The following SARNP variants were observed in gnomAD, a reference collection of about 807,000 sequenced individuals.
SARNP encodes the protein SAP domain-containing ribonucleoprotein.
In SARNP, 5 loss-of-function variants were observed where a neutral mutation model predicts 38.1. The observed-to-expected ratio is 0.13, with a 90% CI of 0.07 to 0.28. The LOEUF is 0.28. SARNP is among the 10% of genes least tolerant of loss of function. The probability of loss-of-function intolerance (pLI) is 1.00; values close to 1 mark genes in which losing one functional copy is unlikely to be tolerated. For synonymous variants in SARNP, 84 were observed against 80.6 expected (o/e 1.04, Z -0.23); for missense variants, 180 against 243.9 (o/e 0.74, Z 1.75).
intron 7 of SARNP, chr12:55,793,801 T>C (rs1252916578): frequency 6.6e-6 from 1 of 152,552 alleles, no homozygotes; most frequent in Non-Finnish European, 1.5e-5. Context: ...CTGATAAATA[T>C]CTTTCAATAT....
At chr12:55,756,911 A>G (rs1406070262), downstream of SARNP, 1 of 152,182 alleles carries the variant, frequency 6.6e-6, no homozygotes, top group Admixed American at 6.5e-5. Context: ...TATCCAAGAA[A>G]AAGTCTGCAT....
At chr12:55,755,208 C>T (rs1878468337), downstream of SARNP, 1 of 151,914 alleles carries the variant, frequency 6.6e-6, no homozygotes. Flanking sequence ...TCAGACACAG[C>T]AAGAGAACTC....
chr12:55,801,480 T>C (rs1879978138), intron 2 of SARNP, among the ~76,000 whole-genome samples: 2 of 152,100 alleles, frequency 1.3e-5, no homozygotes, highest in Admixed American at 1.3e-4. Context: ...AAAGTATCTT[T>C]GAGATTTAGT....
chr12:55,767,056 A>G (rs190469224), intron 9 of SARNP, among the ~76,000 whole-genome samples: 3 of 152,342 alleles, frequency 2.0e-5, no homozygotes, highest in Admixed American at 6.5e-5. Flanking sequence ...GAAAGAGAAA[A>G]GACAGACATT....
chr12:55,800,744 T>C, intron 3 of SARNP, 110 bp downstream of exon 3: 1 of 1,270,342 alleles, frequency 7.9e-7, no homozygotes, highest in Non-Finnish European at 1.2e-6. Context: ...ATACCCATCT[T>C]ATGCTCCCCT....
intron 9 of SARNP, among the ~76,000 whole-genome samples, chr12:55,785,756 A>G (rs1879472607): frequency 1.3e-5 from 2 of 151,342 alleles, no homozygotes; most frequent in Non-Finnish European, 2.9e-5. Context: ...AGCCTGGGTG[A>G]CAGAACAAAA....
chr12:55,813,950 G>A (rs1006527446), intron 1 of SARNP, among the ~76,000 whole-genome samples: 1 of 152,134 alleles, frequency 6.6e-6, no homozygotes, highest in Admixed American at 6.6e-5. Flanking sequence ...GATAATACAG[G>A]TATTTACCTT....
Position 55,789,086 on chromosome 12 carries a change from T to C in SARNP, c.490A>G (p.Ile164Val), listed in dbSNP as rs138765992. 60 of 1,604,984 alleles carry C rather than the reference T, an allele frequency of 3.7e-5. No individual in the cohort carries two copies. The highest frequency in any genetic ancestry group is 5.4e-5 in the African/African-American group (4 of 74,656). The change falls in exon 9 of 11, where the codon ATC (isoleucine) becomes GTC (valine). Residue 164 changes from isoleucine (I) to valine (V), a missense_variant. Ile to Val is a conservative substitution (Grantham distance 29). Around this residue, in one of 2 missense-constraint regions of SARNP, gnomAD observed 161 missense variants for 194.1 expected, o/e 0.83. Transcript: ENST00000336133. ...CGAGCCTACATTACCTTTCTGGAGA[T>C]TGAAGAGACATTCAAACCAAATCTT... Reference protein sequence around the residue: ...AQRFGLNVSSISRKSEDDEKL... With the variant: ...AQRFGLNVSSVSRKSEDDEKL...
intron 4 of SARNP, among the ~76,000 whole-genome samples, chr12:55,796,357 C>G (rs908561171): frequency 1.3e-5 from 2 of 152,176 alleles, no homozygotes; most frequent in Non-Finnish European, 2.9e-5. Flanking sequence ...GGGAAACACT[C>G]AAAGGACACC....
intron 9 of SARNP, among the ~76,000 whole-genome samples, chr12:55,786,299 G>T (rs151123986): frequency 9.9e-5 from 15 of 152,196 alleles, no homozygotes; most frequent in Admixed American, 6.5e-5. Flanking sequence ...CAATTCCTTA[G>T]AAGATGGAGT....
chr12:55,800,929 G>C, intron 2 of SARNP, 29 bp from the exon 3 acceptor site: 1 of 1,583,872 alleles, frequency 6.3e-7, no homozygotes, highest in Non-Finnish European at 8.7e-7. Flanking sequence ...TTCAGGTCAA[G>C]CCCTGCTACA....
At chr12:55,774,575 C>CAAAAAAAA (rs1187594580) in intron 9 of SARNP, among the ~76,000 whole-genome samples, 2 of 41,204 alleles carry the variant, frequency 4.9e-5, no homozygotes, top group African/African-American at 2.5e-4. Flanking sequence ...AAAAAAAAAA[C>CAAAAAAAA]AAACAAAAAA....
chr12:55,802,191 G>C (rs183947377), intron 2 of SARNP, among the ~76,000 whole-genome samples: 3 of 152,146 alleles, frequency 2.0e-5, no homozygotes, highest in East Asian at 3.9e-4. Context: ...CAGATCTACA[G>C]AGCAATTCTG....
At chr12:55,801,248 T>C (rs1032260470) in intron 2 of SARNP, among the ~76,000 whole-genome samples, 2 of 152,106 alleles carry the variant, frequency 1.3e-5, no homozygotes, top group African/African-American at 2.4e-5. Flanking sequence ...AGCGACCAGC[T>C]TGGGGAACAC....
At chr12:55,775,810 T>C (rs1879165423) in intron 9 of SARNP, among the ~76,000 whole-genome samples, 1 of 152,194 alleles carries the variant, frequency 6.6e-6, no homozygotes, top group Non-Finnish European at 1.5e-5. Flanking sequence ...AACTCTGCTA[T>C]TTTGGTGAGT....
rs560183755 is a variant in SARNP at position 55,767,421 on chromosome 12, T to C, written c.502-6781A>G. Among the ~76,000 whole-genome samples, 7 of 151,080 alleles carry C rather than the reference T, an allele frequency of 4.6e-5. No individual in the cohort carries two copies. In the South Asian group the frequency reaches 8.3e-4, roughly 18 times the overall value. ...AAATTTAGCTGGGCATGGTGGTACA[T>C]GCCTGTGGTTCCAGCTACTCGAGAG... On this transcript the variant is annotated intron_variant, in intron 9 of 10. Transcript: ENST00000336133.
chr12:55,764,456 G>C (rs913299888), intron 9 of SARNP, among the ~76,000 whole-genome samples: 2 of 151,634 alleles, frequency 1.3e-5, no homozygotes, highest in African/African-American at 4.9e-5. Context: ...GCTTGAACCC[G>C]GGAGGTGGAG....
At chr12:55,798,383 C>T (rs915246040) in intron 4 of SARNP, among the ~76,000 whole-genome samples, 1 of 152,124 alleles carries the variant, frequency 6.6e-6, no homozygotes, top group Non-Finnish European at 1.5e-5. Context: ...CCTGTAGTTC[C>T]AGCTACTCAG....
At chr12:55,763,454 T>C (rs1037785817) in intron 9 of SARNP, among the ~76,000 whole-genome samples, 2 of 151,934 alleles carry the variant, frequency 1.3e-5, no homozygotes, top group African/African-American at 2.4e-5. Context: ...TGGGACTACA[T>C]GCGCACGCCA....
Sources: allele counts gnomAD v4.1 joint callset (sites outside exome capture counted in the v4.1 genomes callset), GRCh38; gene constraint gnomAD v4.1.1; regional missense constraint gnomAD v4.1.1; transcripts MANE v1.5; gene names NCBI Gene and HGNC (gene_info 2026-07-23, HGNC 2026-07-21).